The following CDH10 variants were observed in gnomAD, a reference collection of about 807,000 sequenced individuals.
CDH10 encodes the protein cadherin 10.
In CDH10, 30 loss-of-function variants were observed where a neutral mutation model predicts 73.1. The ratio of observed to expected loss-of-function variants is 0.41; its 90% CI spans 0.31 to 0.56. The LOEUF (loss-of-function observed/expected upper bound fraction) is 0.56. Ranked by LOEUF, CDH10 falls within the 20% of genes least tolerant of loss-of-function variation. The pLI is 0.27. For synonymous variants in CDH10, 345 were observed against 348.2 expected (o/e 0.99, Z 0.10); for missense variants, 815 against 973.7 (o/e 0.84, Z 2.17).
chr5:24,616,632 T>C (rs982440144), intron 1 of CDH10, among the ~76,000 whole-genome samples: 4 of 152,174 alleles, frequency 2.6e-5, no homozygotes, highest in African/African-American at 9.7e-5. Context: ...TCTTGTTCTG[T>C]GAGTACTTGG....
chr5:24,556,354 AC>A (rs2111971901), intron 2 of CDH10, among the ~76,000 whole-genome samples: 1 of 152,204 alleles, frequency 6.6e-6, no homozygotes, highest in African/African-American at 2.4e-5. Context: ...ACTTTAAAAA[AC>A]ATGCAATTTT....
In CDH10 at chr5:24,535,731, C is replaced by T. The variant is rs1296415762; in HGVS notation, c.618G>A (p.Gln206=). The T allele has an allele frequency of 1.2e-6, 2 of 1,611,806 alleles. No individual in the cohort carries two copies. Among genetic ancestry groups the T allele is most frequent in the Non-Finnish European group, 1.7e-6 (2 of 1,178,568 alleles). ...TTTCAGGCTCCACAGAGAAATAGGGCTGCCCTTGAAGTATGCTGTAAATGA... is the reference window on the plus strand; with the variant it reads ...TTTCAGGCTCCACAGAGAAATAGGGTTGCCCTTGAAGTATGCTGTAAATGA... ...ARVIYSILQG[Q]PYFSVEPETG... is the part of the protein sequence containing the mutation. The change falls in exon 4 of 12, where the codon CAG becomes CAA. Residue 206 remains glutamine (Q), a synonymous_variant. Transcript: ENST00000264463.
At chr5:24,634,087 C>A (rs780813314) in intron 1 of CDH10, among the ~76,000 whole-genome samples, 5 of 151,716 alleles carry the variant, frequency 3.3e-5, no homozygotes, top group Non-Finnish European at 7.4e-5. Flanking sequence ...TTGTTTTAAA[C>A]TTCAGACATT....
chr5:24,540,393 G>A (rs1339515074), intron 2 of CDH10, among the ~76,000 whole-genome samples: 4 of 151,910 alleles, frequency 2.6e-5, no homozygotes, highest in Admixed American at 2.6e-4. Context: ...AAGATGGTGA[G>A]ATTTTAATTT....
intron 1 of CDH10, among the ~76,000 whole-genome samples, chr5:24,625,425 C>T (rs933810673): frequency 6.6e-6 from 1 of 151,626 alleles, no homozygotes; most frequent in Non-Finnish European, 1.5e-5. Context: ...TCCAAATGAC[C>T]ATTATAGCAA....
At chr5:24,634,923 T>G (rs1217743527) in intron 1 of CDH10, among the ~76,000 whole-genome samples, 1 of 151,684 alleles carries the variant, frequency 6.6e-6, no homozygotes, top group Non-Finnish European at 1.5e-5. Flanking sequence ...ATGACCTCAA[T>G]GTATGTTTTC....
At chr5:24,594,933 T>C (rs1746320712) in intron 1 of CDH10, among the ~76,000 whole-genome samples, 1 of 151,992 alleles carries the variant, frequency 6.6e-6, no homozygotes, top group Non-Finnish European at 1.5e-5. Flanking sequence ...ATAAACAGTT[T>C]GAATGTATGA....
At chr5:24,560,920 T>C (rs1271382032) in intron 2 of CDH10, among the ~76,000 whole-genome samples, 1 of 152,136 alleles carries the variant, frequency 6.6e-6, no homozygotes, top group African/African-American at 2.4e-5. Context: ...CCTGATTATA[T>C]AATACTAGAC....
At chr5:24,595,004 G>A (rs1173119698) in intron 1 of CDH10, among the ~76,000 whole-genome samples, 2 of 151,912 alleles carry the variant, frequency 1.3e-5, no homozygotes, top group East Asian at 1.9e-4. Context: ...CCTGCTATAT[G>A]TTTTTGTGCC....
Position 24,593,455 on chromosome 5 carries a change from G to C in CDH10, c.36C>G (p.Phe12Leu), listed in dbSNP as rs1205792019. The C allele has an allele frequency of 6.2e-7, 1 of 1,609,360 alleles. No individual in the cohort carries two copies. The highest frequency in any genetic ancestry group is 1.3e-5 in the African/African-American group (1 of 74,848). The stretch of plus-strand genomic sequence containing the variant: ...AGCAGAAATGTGGCAGGCATACCCA[G>C]AATAGAAACAGTAGCAAAAATTGAT... Reference protein sequence around the residue: ...TIHQFLLLFLFWVCLPHFCSP... With the variant: ...TIHQFLLLFLLWVCLPHFCSP... The change falls in exon 2 of 12, where the codon TTC (phenylalanine) becomes TTG (leucine). Residue 12 changes from phenylalanine to leucine, a missense_variant. Transcript: ENST00000264463.
At chr5:24,549,877 T>TA (rs1054013266) in intron 2 of CDH10, among the ~76,000 whole-genome samples, 5 of 152,098 alleles carry the variant, frequency 3.3e-5, no homozygotes, top group Non-Finnish European at 5.9e-5. Context: ...AAGCATTGAT[T>TA]AAAAAAATAA....
intron 1 of CDH10, among the ~76,000 whole-genome samples, chr5:24,601,430 T>C (rs923587720): frequency 3.3e-4 from 51 of 152,288 alleles, no homozygotes; most frequent in African/African-American, 1.2e-3. Flanking sequence ...GATGTTACTA[T>C]GATTAAAATT....
intron 5 of CDH10, among the ~76,000 whole-genome samples, chr5:24,526,226 T>G (rs1402630605): frequency 6.6e-6 from 1 of 151,996 alleles, no homozygotes; most frequent in Non-Finnish European, 1.5e-5. Flanking sequence ...TGAATCCCAT[T>G]ATGTAAGATG....
chr5:24,543,994 T>C (rs1744247844), intron 2 of CDH10, among the ~76,000 whole-genome samples: 1 of 152,082 alleles, frequency 6.6e-6, no homozygotes, highest in Non-Finnish European at 1.5e-5. Flanking sequence ...GATAAAACAA[T>C]TCTTCCTTCA....
At chr5:24,516,570 T>A (rs1379827125) in intron 5 of CDH10, among the ~76,000 whole-genome samples, 1 of 152,074 alleles carries the variant, frequency 6.6e-6, no homozygotes, top group Non-Finnish European at 1.5e-5. Flanking sequence ...TATGCTTTTA[T>A]TTATTTAGAT....
chr5:24,616,216 T>A (rs16893661), intron 1 of CDH10, among the ~76,000 whole-genome samples: 5,043 of 152,212 alleles, frequency 0.033, 300 homozygotes, highest in African/African-American at 0.11. Context: ...CATTTTCTCA[T>A]TTTTCTGTTG....
intron 5 of CDH10, among the ~76,000 whole-genome samples, chr5:24,529,444 T>C (rs1390228434): frequency 6.6e-6 from 1 of 152,008 alleles, no homozygotes; most frequent in Non-Finnish European, 1.5e-5. Flanking sequence ...TAATTTATCT[T>C]AATAAAAACT....
intron 5 of CDH10, among the ~76,000 whole-genome samples, chr5:24,516,895 T>TA (rs1351492287): frequency 2.0e-5 from 3 of 151,688 alleles, no homozygotes; most frequent in East Asian, 1.9e-4. Flanking sequence ...TATTAAAAAT[T>TA]AAAAAAATAC....
intron 1 of CDH10, 87 bp downstream of exon 1, chr5:24,644,507 A>C (rs1420806898): frequency 1.3e-5 from 2 of 151,860 alleles, no homozygotes; most frequent in Admixed American, 6.6e-5. Context: ...ACAAACATTT[A>C]TCTCCTCCCT....
Sources: allele counts gnomAD v4.1 joint callset (sites outside exome capture counted in the v4.1 genomes callset), GRCh38; gene constraint gnomAD v4.1.1; transcripts MANE v1.5; gene names NCBI Gene and HGNC (gene_info 2026-07-23, HGNC 2026-07-21).